Variants in HYDIN observed in about 807,000 individuals in gnomAD.
HYDIN encodes axonemal central pair apparatus protein HYDIN.
A neutral mutation model predicts 403.9 loss-of-function variants in HYDIN; 132 were observed. The ratio of observed to expected loss-of-function variants is 0.33; its 90% CI spans 0.28 to 0.38. The LOEUF (loss-of-function observed/expected upper bound fraction) is 0.38, where lower values mean the gene tolerates loss of function less well. HYDIN is among the 10% of genes least tolerant of loss of function. HYDIN has a pLI of 1.00. For synonymous variants in HYDIN, 1,202 were observed against 1,891.7 expected (o/e 0.64, Z 9.46); for missense variants, 2,827 against 5,009.5 (o/e 0.56, Z 13.15).
intron 57 of HYDIN, among the ~76,000 whole-genome samples, chr16:70,891,162 C>A (rs994966427): frequency 2.6e-5 from 4 of 151,974 alleles, no homozygotes; most frequent in Non-Finnish European, 5.9e-5. Context: ...CTGGTGATTT[C>A]GTGTATAGTA....
chr16:71,171,177 A>C (rs2086447565), intron 5 of HYDIN, among the ~76,000 whole-genome samples: 1 of 152,090 alleles, frequency 6.6e-6, no homozygotes, highest in East Asian at 1.9e-4. Context: ...TTCTGCCACA[A>C]GGCCTTTGCA....
chr16:70,922,713 C>A (rs1369139337), intron 45 of HYDIN, among the ~76,000 whole-genome samples: 3 of 149,904 alleles, frequency 2.0e-5, no homozygotes, highest in Non-Finnish European at 4.4e-5. Context: ...AATGAAAACA[C>A]TGAATATCAA....
At chr16:71,203,821 T>C (rs535433608) in intron 1 of HYDIN, 17 of 455,632 alleles carry the variant, frequency 3.7e-5, no homozygotes, top group East Asian at 3.5e-4. Context: ...CCCCAGCACA[T>C]TGGGAGGCCG....
At position 70,887,690 on chromosome 16, in the gene HYDIN, CT is replaced by C. The variant is rs201257084; in HGVS notation, c.9774+1896del. Among the ~76,000 whole-genome samples, 278 of 140,654 alleles carry C rather than the reference CT, an allele frequency of 2.0e-3. 1 individual carries two copies. Among genetic ancestry groups the C allele is most frequent in the African/African-American group, 5.5e-3 (213 of 38,528 alleles). 92.3% of individuals were successfully genotyped at this position (140,654 alleles called of 152,430 possible). On this transcript the variant is annotated intron_variant, in intron 58 of 85. Coordinates refer to ENST00000393567, the MANE Select transcript of HYDIN (RefSeq NM_001270974.2). ...TCAAGTTCACTGATTCTTTTCTTTT[CT>C]TTTTTTTTTTGAGGTGGAGTCTCAC...
At chr16:71,223,966 T>A (rs1191572039) in intron 1 of HYDIN, among the ~76,000 whole-genome samples, 2 of 152,102 alleles carry the variant, frequency 1.3e-5, no homozygotes, top group African/African-American at 4.8e-5. Context: ...GGAAAAGAAG[T>A]CATTATATGA....
At chr16:70,870,558 C>T (rs2040032546) in intron 65 of HYDIN, among the ~76,000 whole-genome samples, 1 of 151,240 alleles carries the variant, frequency 6.6e-6, no homozygotes, top group Non-Finnish European at 1.5e-5. Context: ...TGGCAGCTTC[C>T]ATGTGGTGTT....
At position 71,088,334 on chromosome 16, in the gene HYDIN, T is replaced by A. The variant is rs1411372429; in HGVS notation, c.1637A>T (p.Asn546Ile). Residue 546 changes from asparagine to isoleucine, a missense_variant, in exon 12 of 86, where the codon AAT becomes ATT. Transcript: ENST00000393567. ...CAGTTTCACAGGCTCAGGTGACCCATTGACATTGACCAGGAACTCTTCTTC... is the reference window on the plus strand; with the variant it reads ...CAGTTTCACAGGCTCAGGTGACCCAATGACATTGACCAGGAACTCTTCTTC... ...NFEEEFLVNV[N>I]GSPEPVKLTI... The A allele has an allele frequency of 1.9e-6, 1 of 540,386 alleles. No individual in the cohort carries two copies. The allele number at this position is 540,386 out of a possible 1,614,324, so 33.5% of individuals were successfully genotyped here.
chr16:70,885,740 G>GA (rs61520564), intron 58 of HYDIN, among the ~76,000 whole-genome samples: 8 of 149,194 alleles, frequency 5.4e-5, no homozygotes, highest in African/African-American at 7.5e-5. Context: ...GGCAAAGAAG[G>GA]AAAAAAAAAA....
At chr16:71,051,589 T>C (rs893627103) in intron 18 of HYDIN, among the ~76,000 whole-genome samples, 2 of 147,922 alleles carry the variant, frequency 1.4e-5, no homozygotes. Flanking sequence ...GAGCTTGCAG[T>C]GAGCTGAGAT....
intron 73 of HYDIN, among the ~76,000 whole-genome samples, chr16:70,854,546 C>T (rs1182755906): frequency 6.6e-6 from 1 of 151,624 alleles, no homozygotes; most frequent in African/African-American, 2.4e-5. Context: ...TCTCGAGTAG[C>T]TGGGATTACA....
At chr16:70,816,251 T>A (rs918975239) in intron 84 of HYDIN, among the ~76,000 whole-genome samples, 1 of 152,086 alleles carries the variant, frequency 6.6e-6, no homozygotes, top group Non-Finnish European at 1.5e-5. Context: ...TGAAATAATA[T>A]AGAATATGTT....
intron 1 of HYDIN, among the ~76,000 whole-genome samples, chr16:71,216,210 C>T (rs2088873054): frequency 6.6e-6 from 1 of 152,116 alleles, no homozygotes; most frequent in Admixed American, 6.5e-5. Flanking sequence ...ATATTGGAAA[C>T]AACCCAAGTT....
chr16:71,111,176 CTT>C (rs1391138276), intron 10 of HYDIN, among the ~76,000 whole-genome samples: 2 of 122,898 alleles, frequency 1.6e-5, no homozygotes, highest in African/African-American at 6.4e-5. Flanking sequence ...TAAACAAACA[CTT>C]AGTTATGAAA....
intron 1 of HYDIN, among the ~76,000 whole-genome samples, chr16:71,188,188 T>G (rs2087248431): frequency 6.6e-6 from 1 of 152,146 alleles, no homozygotes; most frequent in African/African-American, 2.4e-5. Context: ...CGCCCTAGGT[T>G]TTTGCTATGT....
intron 65 of HYDIN, among the ~76,000 whole-genome samples, chr16:70,870,732 T>C (rs1436347459): frequency 6.6e-6 from 1 of 151,656 alleles, no homozygotes; most frequent in Admixed American, 6.6e-5. Context: ...AAAATGCAGA[T>C]AATAGTAGTA....
chr16:71,174,167 T>C (rs1003959328), intron 5 of HYDIN, among the ~76,000 whole-genome samples: 3 of 152,224 alleles, frequency 2.0e-5, no homozygotes, highest in Admixed American at 1.3e-4. Flanking sequence ...AAACACAACC[T>C]AACATATAAA....
chr16:70,943,875 G>A lies in HYDIN; in HGVS notation c.6606C>T (p.Thr2202=), dbSNP rs201309160. Reference sequence around the variant, plus strand: ...CCGGGAGCACACAGCTCATCAGCCCGGTCTCGCCTCCGACACTGGGACTAA... The same window carrying A: ...CCGGGAGCACACAGCTCATCAGCCCAGTCTCGCCTCCGACACTGGGACTAA... ...LSVSPSVGGE[T]GLMSCVLPDE... The change falls in exon 42 of 86, where the codon ACC becomes ACT. Residue 2202 remains threonine, a synonymous_variant. Transcript: ENST00000393567. 1.8e-5 allele frequency: 29 copies of A among 1,613,584 alleles called. No individual in the cohort carries two copies. Among genetic ancestry groups the A allele is most frequent in the African/African-American group, 1.6e-4 (12 of 74,930 alleles).
intron 21 of HYDIN, among the ~76,000 whole-genome samples, chr16:71,025,109 TA>T (rs1204039718): frequency 6.6e-6 from 1 of 152,226 alleles, no homozygotes; most frequent in African/African-American, 2.4e-5. Context: ...GATGATTGAC[TA>T]AAATGCATAT....
At position 70,818,443 on chromosome 16, in the gene HYDIN, T is replaced by C. The variant is rs1245590447; in HGVS notation, c.14557A>G (p.Lys4853Glu). 2 of 1,608,026 alleles carry C rather than the reference T, an allele frequency of 1.2e-6. No homozygotes were observed. The highest frequency in any genetic ancestry group is 1.7e-6 in the Non-Finnish European group (2 of 1,176,964). The change falls in exon 84 of 86, where the codon AAG becomes GAG. Residue 4853 changes from lysine (K) to glutamate (E), a missense_variant. Transcript: ENST00000393567. ...GAGTAGGGCAGAGGGTTCTCCAACTTGATGGAGGCTGACGCAACTTGCCGG... is the reference window on the plus strand; with the variant it reads ...GAGTAGGGCAGAGGGTTCTCCAACTCGATGGAGGCTGACGCAACTTGCCGG... ...PVRQVASASIKLENPLPYSVT... is the reference protein window; with the variant it reads ...PVRQVASASIELENPLPYSVT...
Sources: allele counts gnomAD v4.1 joint callset (sites outside exome capture counted in the v4.1 genomes callset), GRCh38; gene constraint gnomAD v4.1.1; transcripts MANE v1.5; gene names NCBI Gene and HGNC (gene_info 2026-07-23, HGNC 2026-07-21).